The following QKI variants were observed in gnomAD, a reference collection of about 807,000 sequenced individuals.
The protein encoded by QKI is KH domain-containing RNA-binding protein QKI.
Under a neutral mutation model 39.0 loss-of-function variants are expected in QKI, and 10 were observed. The observed-to-expected ratio is 0.26, with a 90% CI of 0.16 to 0.43. The LOEUF (loss-of-function observed/expected upper bound fraction) is 0.43. QKI is among the 20% of genes least tolerant of loss of function. QKI has a pLI of 1.00. For missense variants in QKI, 218 were observed against 428.0 expected, an observed-to-expected ratio of 0.51 and a Z score of 4.33; for synonymous variants, 204 against 155.4, an observed-to-expected ratio of 1.31 and a Z score of -2.33.
At chr6:163,415,418 G>A in intron 1 of QKI, 83 bp downstream of exon 1, 1 of 1,207,728 alleles carries the variant, frequency 8.3e-7, no homozygotes, top group African/African-American at 1.6e-5. Context: ...GGGAGGGCGG[G>A]AAGGTCACGG....
Position 163,444,417 on chromosome 6 carries a change from T to C in QKI, c.143-10862T>C, listed in dbSNP as rs559605969. Among the ~76,000 whole-genome samples, 7 of 152,366 alleles carry C rather than the reference T, an allele frequency of 4.6e-5. No individual in the cohort carries two copies. The South Asian group carries it at 1.4e-3, about 32-fold the overall frequency. Reference sequence around the variant, plus strand: ...GTGTAAACTCAAGGCCAGTGCTTTTTGCCTTACCACATGTATTAGGAAGAT... The same window carrying C: ...GTGTAAACTCAAGGCCAGTGCTTTTCGCCTTACCACATGTATTAGGAAGAT... On this transcript the variant is annotated intron_variant, in intron 1 of 7. Transcript: ENST00000361752.
chr6:163,436,116 G>C (rs1789249686), intron 1 of QKI, among the ~76,000 whole-genome samples: 1 of 152,170 alleles, frequency 6.6e-6, no homozygotes, highest in Admixed American at 6.5e-5. Context: ...TCCAAGTTCA[G>C]AGAATTATTT....
chr6:163,567,264 A>G (rs1783422268), intron 7 of QKI: 1 of 987,364 alleles, frequency 1.0e-6, no homozygotes, highest in Non-Finnish European at 1.2e-6. Flanking sequence ...TTTTCTTTAT[A>G]ATAAAATATT....
chr6:163,419,378 C>T (rs563920492), intron 1 of QKI, among the ~76,000 whole-genome samples: 3 of 152,040 alleles, frequency 2.0e-5, no homozygotes, highest in East Asian at 3.9e-4. Flanking sequence ...ATTGAGAGGA[C>T]TCTTGCTATA....
chr6:163,425,596 A>G (rs1261694482), intron 1 of QKI, among the ~76,000 whole-genome samples: 1 of 152,108 alleles, frequency 6.6e-6, no homozygotes, highest in Non-Finnish European at 1.5e-5. Flanking sequence ...GAGTAGTGAT[A>G]TTTTCTCAAA....
rs1435593484 is a variant in QKI at position 163,575,112 on chromosome 6, C to T, written c.*4402C>T. 6.6e-6 allele frequency: 1 copy of T among 152,174 alleles called. No individual in the cohort carries two copies. The highest frequency in any genetic ancestry group is 6.5e-5 in the Admixed American group (1 of 15,276). The allele number at this position is 152,174 out of a possible 1,614,324, so 9.4% of individuals were successfully genotyped here. A position where few individuals can be genotyped will look rare whatever the true frequency, so the allele number is the denominator to read the frequency against. ...ACTGTTAGGTGGACAGGTCTTTTAA[C>T]ATGCTACTATTTGTAAAAGTTTCCG... On this transcript the variant is annotated 3_prime_UTR_variant, in exon 8 of 8. Coordinates refer to ENST00000361752, the MANE Select transcript of QKI (RefSeq NM_006775.3).
At chr6:163,435,920 A>T (rs1451219644) in intron 1 of QKI, among the ~76,000 whole-genome samples, 1 of 152,206 alleles carries the variant, frequency 6.6e-6, no homozygotes, top group African/African-American at 2.4e-5. Context: ...ATTACAGGAA[A>T]ATCTGGGTTT....
chr6:163,513,947 G>A (rs1392131061), intron 3 of QKI, among the ~76,000 whole-genome samples: 1 of 152,078 alleles, frequency 6.6e-6, no homozygotes, highest in Non-Finnish European at 1.5e-5. Context: ...CTCTTGGTGG[G>A]CTGGATTTCA....
chr6:163,415,509 G>A (rs1582938547), intron 1 of QKI, among the ~76,000 whole-genome samples, 174 bp downstream of exon 1: 1 of 149,770 alleles, frequency 6.7e-6, no homozygotes, highest in Non-Finnish European at 1.5e-5. Context: ...TGCGGCGGGC[G>A]GGCGGGCCGG....
Position 163,546,267 on chromosome 6 carries a change from T to C in QKI, c.546+11142T>C, listed in dbSNP as rs183827194. Among the ~76,000 whole-genome samples, 16 of 152,016 alleles carry C rather than the reference T, an allele frequency of 1.1e-4. No homozygotes were observed. In the East Asian group the frequency reaches 1.7e-3, roughly 16 times the overall value. ...ATTATTTTCATACATCACTTTAATT[T>C]GTTTGCATGCCCTTCTGATGGTGGG... On this transcript the variant is annotated intron_variant, in intron 4 of 7. Transcript: ENST00000361752.
In QKI at chr6:163,575,029, T is replaced by A. The variant is rs952853480; in HGVS notation, c.*4319T>A. ...TAACAGCGAATCACCATTGAGATGG[T>A]CATTTGGATCATGTAAACAAACCGT... On this transcript the variant is annotated 3_prime_UTR_variant, in exon 8 of 8. Coordinates refer to ENST00000361752, the MANE Select transcript of QKI (RefSeq NM_006775.3). 6.6e-6 allele frequency: 1 copy of A among 152,210 alleles called. No homozygotes were observed. Among genetic ancestry groups the A allele is most frequent in the African/African-American group, 2.4e-5 (1 of 41,452 alleles). 9.4% of individuals were successfully genotyped at this position (152,210 alleles called of 1,614,324 possible).
chr6:163,540,218 A>G (rs1041306215), intron 4 of QKI, among the ~76,000 whole-genome samples: 4 of 152,046 alleles, frequency 2.6e-5, no homozygotes, highest in Non-Finnish European at 5.9e-5. Flanking sequence ...AAAAACATCT[A>G]GTCCAGGCTT....
At chr6:163,425,777 C>G (rs1788360959) in intron 1 of QKI, among the ~76,000 whole-genome samples, 1 of 152,038 alleles carries the variant, frequency 6.6e-6, no homozygotes, top group Non-Finnish European at 1.5e-5. Flanking sequence ...GCTGTCAGAG[C>G]CCAATTTTTA....
chr6:163,443,963 A>G (rs1483997480), intron 1 of QKI, among the ~76,000 whole-genome samples: 1 of 152,214 alleles, frequency 6.6e-6, no homozygotes, highest in Non-Finnish European at 1.5e-5. Context: ...TTGGAGCTTC[A>G]AGAGGGCGAA....
chr6:163,502,947 T>C (rs1282541390), intron 3 of QKI, among the ~76,000 whole-genome samples: 3 of 152,154 alleles, frequency 2.0e-5, no homozygotes, highest in Non-Finnish European at 4.4e-5. Context: ...GTGGCTGAAC[T>C]AATTTACATT....
Position 163,574,430 on chromosome 6 carries a change from T to C in QKI, c.*3720T>C, listed in dbSNP as rs573580109. The C allele has an allele frequency of 2.0e-5, 3 of 152,340 alleles. No homozygotes were observed. Among genetic ancestry groups the C allele is most frequent in the African/African-American group, 7.2e-5 (3 of 41,582 alleles). The allele number at this position is 152,340 out of a possible 1,614,324, so 9.4% of individuals were successfully genotyped here. The stretch of plus-strand genomic sequence containing the variant: ...TCAAAGGCCCACTGGCTGTTTCTCA[T>C]GGTGGCCTGAAGCCCCGCTGCTTTC... On this transcript the variant is annotated 3_prime_UTR_variant, in exon 8 of 8. Coordinates refer to ENST00000361752, the MANE Select transcript of QKI (RefSeq NM_006775.3).
intron 3 of QKI, among the ~76,000 whole-genome samples, chr6:163,501,631 A>G (rs917262381): frequency 6.6e-6 from 1 of 152,236 alleles, no homozygotes; most frequent in East Asian, 1.9e-4. Context: ...TAATAAAGAA[A>G]TGAATGTGAC....
intron 2 of QKI, chr6:163,457,465 A>G (rs1791003188): frequency 4.4e-6 from 2 of 456,004 alleles, no homozygotes; most frequent in African/African-American, 2.0e-5. Context: ...TTCTCAAAAC[A>G]CAGTCCTTGG....
intron 3 of QKI, among the ~76,000 whole-genome samples, chr6:163,532,875 G>C (rs551917552): frequency 1.3e-5 from 2 of 152,300 alleles, no homozygotes; most frequent in South Asian, 4.2e-4. Context: ...TCTCAAGCCA[G>C]TGAGTGGGGG....
Sources: gnomAD v4.1 joint callset for allele counts (sites outside exome capture counted in the v4.1 genomes callset) on GRCh38, gnomAD v4.1.1 for gene constraint, MANE v1.5 for transcripts, NCBI Gene and HGNC (gene_info 2026-07-23, HGNC 2026-07-21) for gene names.